PRKG1: variants seen among roughly 807,000 people sequenced by gnomAD.
The protein encoded by PRKG1 is protein kinase cGMP-dependent 1.
PRKG1 carries 35 observed loss-of-function variants against 88.1 expected under a neutral mutation model. The ratio of observed to expected loss-of-function variants is 0.40; its 90% CI spans 0.30 to 0.53. PRKG1 has a LOEUF of 0.53. Among genes scored for constraint, PRKG1 ranks in the 20% least tolerant of loss-of-function variants. PRKG1 has a pLI of 0.59. For missense variants in PRKG1, 540 were observed against 839.8 expected (o/e 0.64, Z 4.41); for synonymous variants, 303 against 292.5 (o/e 1.04, Z -0.37).
intron 2 of PRKG1, among the ~76,000 whole-genome samples, chr10:51,315,701 A>G (rs926504016): frequency 6.6e-6 from 1 of 152,220 alleles, no homozygotes; most frequent in Non-Finnish European, 1.5e-5. Flanking sequence ...GCCAATTTCA[A>G]TATTTCTACT....
chr10:51,835,736 C>A (rs369020365), intron 4 of PRKG1, among the ~76,000 whole-genome samples: 1 of 152,212 alleles, frequency 6.6e-6, no homozygotes, highest in African/African-American at 2.4e-5. Context: ...AATTTCAATT[C>A]CTTTGGATAT....
intron 3 of PRKG1, among the ~76,000 whole-genome samples, chr10:51,675,579 G>A (rs944076824): frequency 3.3e-5 from 5 of 152,086 alleles, no homozygotes; most frequent in African/African-American, 9.7e-5. Context: ...TTACTCAAAA[G>A]CATTTACTAA....
At chr10:51,971,092 A>G (rs932199817) in intron 5 of PRKG1, among the ~76,000 whole-genome samples, 1 of 151,922 alleles carries the variant, frequency 6.6e-6, no homozygotes, top group African/African-American at 2.4e-5. Flanking sequence ...AGAAGAACAG[A>G]GTATTTGGCT....
intron 3 of PRKG1, among the ~76,000 whole-genome samples, chr10:51,643,841 G>T (rs977879787): frequency 6.6e-6 from 1 of 152,006 alleles, no homozygotes; most frequent in African/African-American, 2.4e-5. Flanking sequence ...TCAAATGTAC[G>T]CAAAAATAAG....
rs537525721 is a variant in PRKG1, at chr10:51,032,977, T to TGCCGAC, written c.266+41335_266+41340dup. Among the ~76,000 whole-genome samples, 94 of 152,288 alleles carry TGCCGAC rather than the reference T, an allele frequency of 6.2e-4. 1 individual carries two copies. The Middle Eastern group carries it at 0.014, about 22-fold the overall frequency. On this transcript the variant is annotated intron_variant, in intron 1 of 17. Coordinates refer to the PRKG1 transcript ENST00000401604. The stretch of plus-strand genomic sequence containing the variant: ...TGAAGAATGGGATATCCATTCTCTA[T>TGCCGAC]GCCGACGTATCTTATTTCTACTACA...
At chr10:52,274,407 G>A (rs2132437386) in intron 12 of PRKG1, among the ~76,000 whole-genome samples, 1 of 151,614 alleles carries the variant, frequency 6.6e-6, no homozygotes, top group Non-Finnish European at 1.5e-5. Context: ...ACTTCATTTA[G>A]AATAATAGTC....
rs1839399041 is a variant in PRKG1, at chr10:51,809,605, G to C, written c.698+4915G>C. ...TCTTTTGTTCCCAAATTATGAAGCT[G>C]ATGAGGACAATGATAGTGGTGGACC... On this transcript the variant is annotated intron_variant, in intron 4 of 17. Coordinates refer to ENST00000373980, the MANE Select transcript of PRKG1 (RefSeq NM_006258.4). 2.0e-5 allele frequency among the ~76,000 whole-genome samples: 3 copies of C among 152,184 alleles called. No individual in the cohort carries two copies. The South Asian group carries it at 6.2e-4, about 32-fold the overall frequency.
intron 1 of PRKG1, among the ~76,000 whole-genome samples, chr10:51,125,784 A>T (rs1022974746): frequency 2.1e-5 from 3 of 144,728 alleles, no homozygotes; most frequent in Non-Finnish European, 4.5e-5. Context: ...ATTTAATTAT[A>T]TAAATATATA....
At chr10:51,144,519 A>AT (rs1845894790) in intron 1 of PRKG1, among the ~76,000 whole-genome samples, 1 of 152,134 alleles carries the variant, frequency 6.6e-6, no homozygotes, top group Non-Finnish European at 1.5e-5. Context: ...TAATAGTAGT[A>AT]ATACTACTAC....
chr10:52,175,508 C>T (rs1269311326), intron 9 of PRKG1, among the ~76,000 whole-genome samples: 2 of 151,974 alleles, frequency 1.3e-5, no homozygotes, highest in Non-Finnish European at 2.9e-5. Flanking sequence ...GGTTAAATGC[C>T]CAGTAGTGGG....
At chr10:51,405,662 G>C (rs1348367276) in intron 2 of PRKG1, among the ~76,000 whole-genome samples, 1 of 152,178 alleles carries the variant, frequency 6.6e-6, no homozygotes, top group African/African-American at 2.4e-5. Context: ...GGCTCTTGTA[G>C]ACAGCAGTTT....
intron 2 of PRKG1, among the ~76,000 whole-genome samples, chr10:51,308,026 A>G (rs1589341279): frequency 6.6e-6 from 1 of 152,306 alleles, no homozygotes; most frequent in East Asian, 1.9e-4. Flanking sequence ...AGTAATTTGA[A>G]AACCAAATAA....
chr10:51,986,214 G>T (rs1218252493), intron 5 of PRKG1, among the ~76,000 whole-genome samples: 1 of 152,126 alleles, frequency 6.6e-6, no homozygotes, highest in African/African-American at 2.4e-5. Flanking sequence ...ATTAACGCTT[G>T]TAAGTCAGGA....
At chr10:51,591,400 CAAAAT>C (rs1838309886) in intron 3 of PRKG1, among the ~76,000 whole-genome samples, 1 of 152,084 alleles carries the variant, frequency 6.6e-6, no homozygotes, top group Non-Finnish European at 1.5e-5. Context: ...TGTCATTAGA[CAAAAT>C]AAAAATCATT....
intron 5 of PRKG1, among the ~76,000 whole-genome samples, chr10:51,980,424 G>A (rs1345356874): frequency 6.6e-6 from 1 of 152,122 alleles, no homozygotes; most frequent in Non-Finnish European, 1.5e-5. Context: ...TACAATATGT[G>A]CCCTGTGGTG....
intron 9 of PRKG1, among the ~76,000 whole-genome samples, chr10:52,232,192 G>T (rs2132353680): frequency 6.6e-6 from 1 of 152,008 alleles, no homozygotes; most frequent in East Asian, 1.9e-4. Context: ...AGTCCCAGCT[G>T]CCAAGGAGGC....
chr10:51,235,405 A>AAAAC (rs34204430), intron 2 of PRKG1, among the ~76,000 whole-genome samples: 80,723 of 150,356 alleles, frequency 0.54, 21,792 homozygotes, highest in African/African-American at 0.65. Flanking sequence ...ATCTTGCAGA[A>AAAAC]AAACAAACAA....
chr10:51,453,439 T>G (rs1224429981), intron 2 of PRKG1, among the ~76,000 whole-genome samples: 1 of 152,046 alleles, frequency 6.6e-6, no homozygotes, highest in Non-Finnish European at 1.5e-5. Flanking sequence ...CTTTTTAATG[T>G]AGTCATTCAA....
intron 1 of PRKG1, among the ~76,000 whole-genome samples, chr10:51,058,445 A>G (rs1472386823): frequency 6.6e-6 from 1 of 152,090 alleles, no homozygotes; most frequent in Non-Finnish European, 1.5e-5. Flanking sequence ...TTTCCCATAT[A>G]TCTCCTACCC....
Sources: allele counts gnomAD v4.1 joint callset (sites outside exome capture counted in the v4.1 genomes callset), GRCh38; gene constraint gnomAD v4.1.1; transcripts MANE v1.5; gene names NCBI Gene and HGNC (gene_info 2026-07-23, HGNC 2026-07-21).